The following FARS2 variants were observed in gnomAD, a reference collection of about 807,000 sequenced individuals.
The protein encoded by FARS2 is phenylalanine--tRNA ligase, mitochondrial.
FARS2 carries 40 observed loss-of-function variants against 46.4 expected under a neutral mutation model. That is an observed-to-expected ratio of 0.86 (90% confidence interval 0.67 to 1.12). FARS2 has a LOEUF of 1.12. FARS2 is among the 50% of genes most tolerant of loss of function. The pLI is 0.00. For missense variants in FARS2, 513 were observed against 567.9 expected, an observed-to-expected ratio of 0.90 and a Z score of 0.98; for synonymous variants, 234 against 214.9, an observed-to-expected ratio of 1.09 and a Z score of -0.78.
intron 2 of FARS2, among the ~76,000 whole-genome samples, chr6:5,379,512 A>G (rs1352131326): frequency 6.6e-6 from 1 of 152,148 alleles, no homozygotes; most frequent in Non-Finnish European, 1.5e-5. Flanking sequence ...CCTTAGGACT[A>G]AGACGGGGAC....
chr6:5,380,981 T>TATTC (rs1233384377), intron 2 of FARS2, among the ~76,000 whole-genome samples: 4 of 134,916 alleles, frequency 3.0e-5, no homozygotes, highest in Non-Finnish European at 6.5e-5. Context: ...ATTATTTATT[T>TATTC]ATTTATTTAT....
At chr6:5,392,597 C>G (rs9504387) in intron 2 of FARS2, among the ~76,000 whole-genome samples, 3 of 151,756 alleles carry the variant, frequency 2.0e-5, no homozygotes, top group Non-Finnish European at 2.9e-5. Context: ...CCCACCTGCT[C>G]TCTCAGCTAC....
At chr6:5,411,583 T>C (rs1193628050) in intron 3 of FARS2, among the ~76,000 whole-genome samples, 3 of 152,210 alleles carry the variant, frequency 2.0e-5, no homozygotes, top group African/African-American at 7.2e-5. Flanking sequence ...TTTCACCTTT[T>C]ATTATTATTA....
intron 4 of FARS2, among the ~76,000 whole-genome samples, chr6:5,521,328 G>A (rs1419422156): frequency 6.6e-6 from 1 of 150,484 alleles, no homozygotes; most frequent in Non-Finnish European, 1.5e-5. Context: ...CACTCAAATT[G>A]AGAAGCTGTG....
intron 3 of FARS2, among the ~76,000 whole-genome samples, chr6:5,430,043 A>G (rs998905345): frequency 2.0e-5 from 3 of 152,022 alleles, no homozygotes; most frequent in Non-Finnish European, 4.4e-5. Flanking sequence ...TTTGATTCCC[A>G]CAAGATTTAA....
chr6:5,516,218 G>A (rs1474741596), intron 4 of FARS2, among the ~76,000 whole-genome samples: 1 of 152,164 alleles, frequency 6.6e-6, no homozygotes. Flanking sequence ...GCCCAGAAGG[G>A]ACACGTTTCA....
chr6:5,385,601 T>G (rs6941557), intron 2 of FARS2, among the ~76,000 whole-genome samples: 1 of 151,864 alleles, frequency 6.6e-6, no homozygotes, highest in Non-Finnish European at 1.5e-5. Context: ...TTTTTTTGTA[T>G]TTTTAGTAGA....
chr6:5,313,036 G>GGAGAGA (rs1043486855), intron 1 of FARS2, among the ~76,000 whole-genome samples: 1 of 152,014 alleles, frequency 6.6e-6, no homozygotes, highest in East Asian at 1.9e-4. Flanking sequence ...AGAAGGAGAG[G>GGAGAGA]GAGAGAGAGA....
At chr6:5,704,471 G>A (rs1335692875) in intron 6 of FARS2, among the ~76,000 whole-genome samples, 1 of 152,194 alleles carries the variant, frequency 6.6e-6, no homozygotes, top group Non-Finnish European at 1.5e-5. Flanking sequence ...TTGCCCATAT[G>A]CTACAAGGAC....
Position 5,580,305 on chromosome 6 carries a change from A to G in FARS2, c.1066-32864A>G, listed in dbSNP as rs1380841027. 7.3e-3 allele frequency among the ~76,000 whole-genome samples: 1,088 copies of G among 149,852 alleles called. 9 individuals are homozygous for G. Among genetic ancestry groups the G allele is most frequent in the African/African-American group, 0.025 (996 of 40,162 alleles). ...ACTCCGTCTCAAAAAAAAAAAAAAA[A>G]AGAGAAGGAGGGAGGGAGGAAGGAA... On this transcript the variant is annotated intron_variant, in intron 5 of 6. Transcript: ENST00000274680.
At chr6:5,662,085 T>C (rs1019807295) in intron 6 of FARS2, among the ~76,000 whole-genome samples, 2 of 152,224 alleles carry the variant, frequency 1.3e-5, no homozygotes, top group Non-Finnish European at 2.9e-5. Context: ...AGATTTCATC[T>C]TGGGCTTATA....
chr6:5,595,735 GTAAACATGTATATGTTTA>G (rs1387492397), intron 5 of FARS2, among the ~76,000 whole-genome samples: 2 of 152,158 alleles, frequency 1.3e-5, no homozygotes, highest in African/African-American at 4.8e-5. Context: ...CAGTAAAATA[GTAAACATGTATATGTTTA>G]CGATACGCTT....
At chr6:5,527,686 T>C (rs1274560404) in intron 4 of FARS2, among the ~76,000 whole-genome samples, 5 of 152,186 alleles carry the variant, frequency 3.3e-5, no homozygotes, top group African/African-American at 9.7e-5. Context: ...GCCTATAAAT[T>C]TGGGGGAATA....
chr6:5,463,105 G>A (rs550892700), intron 4 of FARS2, among the ~76,000 whole-genome samples: 13 of 152,310 alleles, frequency 8.5e-5, no homozygotes, highest in African/African-American at 2.6e-4. Flanking sequence ...GCCGGACCCT[G>A]GGCCTCTGAC....
At chr6:5,721,166 A>G (rs1759880544) in intron 6 of FARS2, among the ~76,000 whole-genome samples, 1 of 152,244 alleles carries the variant, frequency 6.6e-6, no homozygotes, top group African/African-American at 2.4e-5. Flanking sequence ...TCTATGAAAA[A>G]TAACTATAAA....
chr6:5,383,277 A>G (rs907871278), intron 2 of FARS2, among the ~76,000 whole-genome samples: 1 of 152,260 alleles, frequency 6.6e-6, no homozygotes, highest in African/African-American at 2.4e-5. Flanking sequence ...CTATTTGTAC[A>G]TAAAAGTATA....
chr6:5,540,891 G>A (rs913084244), intron 4 of FARS2, among the ~76,000 whole-genome samples: 3 of 152,264 alleles, frequency 2.0e-5, no homozygotes, highest in African/African-American at 2.4e-5. Context: ...AGGAAGATCC[G>A]CTATATTATG....
intron 3 of FARS2, among the ~76,000 whole-genome samples, chr6:5,427,756 C>CA (rs1179998170): frequency 6.6e-6 from 1 of 151,860 alleles, no homozygotes; most frequent in Non-Finnish European, 1.5e-5. Context: ...ACGTTGTTAC[C>CA]AAAAAAGACA....
intron 6 of FARS2, among the ~76,000 whole-genome samples, chr6:5,735,446 C>T (rs991187946): frequency 1.7e-4 from 26 of 152,146 alleles, no homozygotes; most frequent in Non-Finnish European, 2.9e-4. Flanking sequence ...GAAGACAGCT[C>T]CAGGCCCACT....
Sources: gnomAD v4.1 joint callset for allele counts (sites outside exome capture counted in the v4.1 genomes callset) on GRCh38, gnomAD v4.1.1 for gene constraint, MANE v1.5 for transcripts, NCBI Gene and HGNC (gene_info 2026-07-23, HGNC 2026-07-21) for gene names.